LRMDA: variants seen among roughly 807,000 people sequenced by gnomAD.
The protein encoded by LRMDA is leucine rich melanocyte differentiation associated, also known as leucine-rich melanocyte differentiation-associated protein.
In LRMDA, 18 loss-of-function variants were observed where a neutral mutation model predicts 29.8. The observed-to-expected ratio is 0.60, with a 90% CI of 0.42 to 0.90. The LOEUF (loss-of-function observed/expected upper bound fraction) is 0.90, where lower values mean the gene tolerates loss of function less well. LRMDA is among the 40% of genes least tolerant of loss of function. The pLI is 0.00. For missense variants in LRMDA, 273 were observed against 273.9 expected, an observed-to-expected ratio of 1.00 and a Z score of 0.02; for synonymous variants, 125 against 109.4, an observed-to-expected ratio of 1.14 and a Z score of -0.89.
At chr10:76,325,423 G>A (rs1840822142) in intron 6 of LRMDA, among the ~76,000 whole-genome samples, 1 of 152,184 alleles carries the variant, frequency 6.6e-6, no homozygotes, top group Admixed American at 6.5e-5. Context: ...ATATACTTTA[G>A]TTAATTTTGT....
intron 5 of LRMDA, among the ~76,000 whole-genome samples, chr10:76,298,906 CT>C (rs796453882): frequency 3.9e-5 from 6 of 152,210 alleles, no homozygotes; most frequent in African/African-American, 1.4e-4. Flanking sequence ...TGGGATGGGA[CT>C]GTATCTCTTC....
intron 5 of LRMDA, among the ~76,000 whole-genome samples, chr10:76,222,851 G>T (rs1196620745): frequency 6.6e-6 from 1 of 152,022 alleles, no homozygotes; most frequent in African/African-American, 2.4e-5. Flanking sequence ...CAATAGCAAA[G>T]ACTTGGAACC....
Position 75,682,306 on chromosome 10 carries a change from T to C in LRMDA, c.131+243812T>C, listed in dbSNP as rs565486648. ...AGTATGTGCTGAATAAATGAATGAA[T>C]GAACAATGAATGGCAATATTGTTTT... is the stretch of plus-strand genomic sequence containing the variant. On this transcript the variant is annotated intron_variant, in intron 2 of 6. Transcript: ENST00000611255. 6.6e-5 allele frequency among the ~76,000 whole-genome samples: 10 copies of C among 152,280 alleles called. 1 individual carries two copies. In the South Asian group the frequency reaches 1.7e-3, roughly 25 times the overall value.
chr10:75,690,775 A>C (rs1842134721), intron 2 of LRMDA, among the ~76,000 whole-genome samples: 1 of 151,684 alleles, frequency 6.6e-6, no homozygotes, highest in African/African-American at 2.4e-5. Context: ...CTGGTCTTGC[A>C]TTATAGCAAA....
At chr10:75,483,730 T>C (rs1013913559) in intron 2 of LRMDA, among the ~76,000 whole-genome samples, 1 of 152,196 alleles carries the variant, frequency 6.6e-6, no homozygotes, top group African/African-American at 2.4e-5. Context: ...TACTGTCTCT[T>C]CTCTAAAAGT....
At chr10:76,383,925 G>A (rs1261336470) in intron 6 of LRMDA, among the ~76,000 whole-genome samples, 2 of 152,084 alleles carry the variant, frequency 1.3e-5, no homozygotes, top group Admixed American at 1.3e-4. Flanking sequence ...TTGTCAGTGT[G>A]TCACTTTCCT....
At chr10:75,462,097 A>G (rs1844593048) in intron 2 of LRMDA, among the ~76,000 whole-genome samples, 1 of 152,256 alleles carries the variant, frequency 6.6e-6, no homozygotes, top group African/African-American at 2.4e-5. Flanking sequence ...GAGCTTGATG[A>G]AAAGCGAACA....
At chr10:76,387,106 A>G (rs1459037164) in intron 6 of LRMDA, among the ~76,000 whole-genome samples, 3 of 152,228 alleles carry the variant, frequency 2.0e-5, no homozygotes, top group Non-Finnish European at 4.4e-5. Flanking sequence ...ACTTATTTCA[A>G]TGTTTCTGGA....
chr10:76,054,325 G>A (rs1338903076), intron 4 of LRMDA, among the ~76,000 whole-genome samples: 2 of 152,080 alleles, frequency 1.3e-5, no homozygotes, highest in African/African-American at 2.4e-5. Flanking sequence ...ATTTCAGGGG[G>A]TGACTGGCAG....
chr10:75,965,046 G>T (rs144533980), intron 2 of LRMDA, among the ~76,000 whole-genome samples: 1 of 152,184 alleles, frequency 6.6e-6, no homozygotes, highest in Non-Finnish European at 1.5e-5. Context: ...GATTACAGGT[G>T]TGAGCCACTA....
intron 2 of LRMDA, among the ~76,000 whole-genome samples, chr10:75,868,793 C>T (rs1211934184): frequency 6.6e-6 from 1 of 152,144 alleles, no homozygotes; most frequent in African/African-American, 2.4e-5. Context: ...TCTCTCCATC[C>T]TGGCTCACCT....
chr10:76,219,409 G>A (rs1029288693), intron 5 of LRMDA, among the ~76,000 whole-genome samples: 172 of 152,206 alleles, frequency 1.1e-3, no homozygotes, highest in South Asian at 2.1e-3. Flanking sequence ...AAAATAAAAG[G>A]ATGGAGGAAG....
chr10:75,856,148 C>A (rs1844822124), intron 2 of LRMDA, among the ~76,000 whole-genome samples: 1 of 152,106 alleles, frequency 6.6e-6, no homozygotes, highest in Admixed American at 6.5e-5. Context: ...CTATAAATTA[C>A]CTTGGGCAGT....
chr10:76,035,521 T>C (rs1288552275), intron 2 of LRMDA, among the ~76,000 whole-genome samples: 2 of 152,144 alleles, frequency 1.3e-5, no homozygotes, highest in Non-Finnish European at 2.9e-5. Context: ...TACAGAGAAC[T>C]GCTAAGAAAT....
chr10:75,782,807 TGA>T, intron 2 of LRMDA: 7 of 1,437,066 alleles, frequency 4.9e-6, no homozygotes, highest in Non-Finnish European at 6.4e-6. Flanking sequence ...TTTCACTTGT[TGA>T]GAACCTTTAG....
At chr10:75,601,493 C>A (rs1803362609) in intron 2 of LRMDA, among the ~76,000 whole-genome samples, 1 of 152,060 alleles carries the variant, frequency 6.6e-6, no homozygotes, top group Admixed American at 6.5e-5. Context: ...GGTTCTAGTA[C>A]CTGCCTTCCC....
chr10:75,851,873 C>A (rs528046737), intron 2 of LRMDA, among the ~76,000 whole-genome samples: 1 of 152,198 alleles, frequency 6.6e-6, no homozygotes, highest in South Asian at 2.1e-4. Context: ...GCTTTGTGTA[C>A]GCACCTAATT....
At chr10:75,443,755 A>T (rs1844358211) in intron 2 of LRMDA, among the ~76,000 whole-genome samples, 1 of 152,200 alleles carries the variant, frequency 6.6e-6, no homozygotes, top group Non-Finnish European at 1.5e-5. Flanking sequence ...AGTGTTTGAG[A>T]AGGATTGATG....
intron 5 of LRMDA, among the ~76,000 whole-genome samples, chr10:76,150,933 G>A (rs2132165127): frequency 6.6e-6 from 1 of 152,200 alleles, no homozygotes; most frequent in Non-Finnish European, 1.5e-5. Context: ...AACTGGGGTG[G>A]CTTTATTTAG....
Sources: allele counts gnomAD v4.1 joint callset (sites outside exome capture counted in the v4.1 genomes callset), GRCh38; gene constraint gnomAD v4.1.1; transcripts MANE v1.5; gene names NCBI Gene and HGNC (gene_info 2026-07-23, HGNC 2026-07-21).